Variants in PIGK observed in about 807,000 individuals in gnomAD.
PIGK encodes phosphatidylinositol glycan anchor biosynthesis class K.
Under a neutral mutation model 50.6 loss-of-function variants are expected in PIGK, and 42 were observed. The observed-to-expected ratio is 0.83, with a 90% confidence interval of 0.65 to 1.07. The LOEUF is 1.07. Among genes scored for constraint, PIGK ranks in the 50% least tolerant of loss-of-function variants. The pLI, the probability that PIGK is intolerant of heterozygous loss-of-function variation, is 0.00. For missense variants in PIGK, 448 were observed against 488.7 expected (o/e 0.92, Z 0.78); for synonymous variants, 151 against 156.0 (o/e 0.97, Z 0.24).
intron 10 of PIGK, among the ~76,000 whole-genome samples, chr1:77,113,194 C>T (rs1456507117): frequency 6.6e-6 from 1 of 151,838 alleles, no homozygotes; most frequent in Non-Finnish European, 1.5e-5. Flanking sequence ...AAATTTATTA[C>T]ATATTATTTG....
At chr1:77,135,547 C>T (rs1000120914) in intron 9 of PIGK, among the ~76,000 whole-genome samples, 2 of 151,778 alleles carry the variant, frequency 1.3e-5, no homozygotes, top group South Asian at 4.1e-4. Context: ...TCTTTTTATC[C>T]TAATGCAGTA....
At chr1:77,121,800 T>C (rs192445000) in intron 10 of PIGK, among the ~76,000 whole-genome samples, 12 of 152,290 alleles carry the variant, frequency 7.9e-5, no homozygotes, top group Non-Finnish European at 1.6e-4. Context: ...ATCATTATAA[T>C]TGGAAATGAA....
chr1:77,156,260 T>C (rs1260557175), intron 8 of PIGK, among the ~76,000 whole-genome samples: 1 of 152,136 alleles, frequency 6.6e-6, no homozygotes, highest in Non-Finnish European at 1.5e-5. Context: ...AAGAAAACAT[T>C]TAAGAGTATA....
chr1:77,122,311 A>G lies in PIGK; in HGVS notation c.1035T>C (p.Tyr345=), dbSNP rs200283917. ...TCTGAGCTACAGGAAGTTGTTCAGCATATTTCAGAGGTTCCATTAGTTTCT... is the reference window on the plus strand; with the variant it reads ...TCTGAGCTACAGGAAGTTGTTCAGCGTATTTCAGAGGTTCCATTAGTTTCT... The part of the protein sequence containing the change: ...MDEKLMEPLK[Y]AEQLPVAQII... The change falls in exon 10 of 11, where the codon TAT becomes TAC. Residue 345 remains tyrosine (Y), a synonymous_variant. Coordinates refer to ENST00000370812, the MANE Select transcript of PIGK (RefSeq NM_005482.3). 168 of 1,607,414 alleles carry G rather than the reference A, an allele frequency of 1.0e-4. 1 individual carries two copies. The highest frequency in any genetic ancestry group is 9.9e-4 in the Middle Eastern group (6 of 6,034).
At position 77,126,157 on chromosome 1, in the gene PIGK, T is replaced by C. The variant is rs183346772; in HGVS notation, c.987-3798A>G. Among the ~76,000 whole-genome samples the C allele has an allele frequency of 9.4e-4, 143 of 152,330 alleles. 3 individuals are homozygous for C. Among genetic ancestry groups the C allele is most frequent in the Admixed American group, 9.3e-3 (143 of 15,296 alleles). On this transcript the variant is annotated intron_variant, in intron 9 of 10. Transcript: ENST00000370812. ...TTAATATAGGTTATTCGTGTTCAGA[T>C]GTTTCATTTCAGTTTTCCTGTTTTG...
chr1:77,200,139 G>T (rs1011259706), intron 3 of PIGK, among the ~76,000 whole-genome samples: 16 of 152,114 alleles, frequency 1.1e-4, no homozygotes, highest in African/African-American at 3.9e-4. Context: ...TGAAAGCAGT[G>T]TCTGAGAAAT....
At position 77,129,057 on chromosome 1, in the gene PIGK, G is replaced by A. The variant is rs146387661; in HGVS notation, c.987-6698C>T. 2.3e-4 allele frequency: 183 copies of A among 799,546 alleles called. 2 individuals carry two copies. In the East Asian group the frequency reaches 3.6e-3, roughly 16 times the overall value. 49.5% of individuals were successfully genotyped at this position (799,546 alleles called of 1,614,324 possible). ...ACCATATGGCCTATGACCTACAAAT[G>A]CTTTAAATATTTACTATCTAGCTCT... On this transcript the variant is annotated intron_variant, in intron 9 of 10. Transcript: ENST00000370812.
intron 10 of PIGK, among the ~76,000 whole-genome samples, chr1:77,097,745 AT>A (rs1323189962): frequency 1.1e-3 from 171 of 152,312 alleles, no homozygotes; most frequent in African/African-American, 4.0e-3. Context: ...AAAAAGCTCC[AT>A]AAAATCAATT....
chr1:77,208,926 G>A (rs561557139), intron 2 of PIGK, among the ~76,000 whole-genome samples: 4 of 152,158 alleles, frequency 2.6e-5, no homozygotes, highest in African/African-American at 7.2e-5. Context: ...TTCATTTGGC[G>A]TCAGTAAGTT....
rs1570172350 is a variant in PIGK at position 77,090,673 on chromosome 1, G to A, written c.*1701C>T. 1.3e-5 allele frequency: 2 copies of A among 152,250 alleles called. No homozygotes were observed. The highest frequency in any genetic ancestry group is 2.1e-4 in the South Asian group (1 of 4,820). The allele number at this position is 152,250 out of a possible 1,614,324, so 9.4% of individuals were successfully genotyped here. A position where few individuals can be genotyped will look rare whatever the true frequency, so the allele number is the denominator to read the frequency against. On this transcript the variant is annotated 3_prime_UTR_variant, in exon 11 of 11. Coordinates refer to ENST00000370812, the MANE Select transcript of PIGK (RefSeq NM_005482.3). ...AGCTCCGCCTCACCGTGGTGTCCAC[G>A]ACCTTGTATGAGTGTCTGGAGGGCA...
chr1:77,110,691 T>C (rs200040394), intron 10 of PIGK, among the ~76,000 whole-genome samples: 5,697 of 152,272 alleles, frequency 0.037, 209 homozygotes, highest in South Asian at 0.21. Flanking sequence ...ATTCAGGACA[T>C]AGGCATGGGC....
chr1:77,169,775 T>C lies in PIGK; in HGVS notation c.240-380A>G, dbSNP rs139712128. On this transcript the variant is annotated intron_variant, in intron 3 of 10. Transcript: ENST00000370812. ...TAGCAAAGGGAAGCTAAAGAAACTG[T>C]CTTCCTTAAGCATCAAAAATATTTT... is the stretch of plus-strand genomic sequence containing the variant. Among the ~76,000 whole-genome samples the C allele has an allele frequency of 3.4e-4, 52 of 152,342 alleles. No individual in the cohort carries two copies. In the East Asian group the frequency reaches 0.01, roughly 29 times the overall value.
At chr1:77,149,571 T>A (rs72683909) in intron 9 of PIGK, among the ~76,000 whole-genome samples, 5,644 of 152,182 alleles carry the variant, frequency 0.037, 208 homozygotes, top group South Asian at 0.21. Flanking sequence ...AATATGTATA[T>A]ACCCATTGCA....
At chr1:77,176,622 T>C (rs1263115234) in intron 3 of PIGK, among the ~76,000 whole-genome samples, 2 of 152,188 alleles carry the variant, frequency 1.3e-5, no homozygotes, top group East Asian at 3.8e-4. Flanking sequence ...TAGAATATGG[T>C]GTCTTTTAGG....
intron 3 of PIGK, chr1:77,195,280 C>G: frequency 7.5e-7 from 1 of 1,340,192 alleles, no homozygotes; most frequent in Non-Finnish European, 1.1e-6. Context: ...GGCTGAGGTC[C>G]TGGAAGGCAA....
intron 8 of PIGK, among the ~76,000 whole-genome samples, chr1:77,158,234 C>A (rs908458306): frequency 6.6e-6 from 1 of 152,034 alleles, no homozygotes; most frequent in Non-Finnish European, 1.5e-5. Context: ...CCAGGCTGGT[C>A]TAGAACTCCT....
At chr1:77,183,439 C>T (rs1655667155) in intron 3 of PIGK, among the ~76,000 whole-genome samples, 1 of 152,164 alleles carries the variant, frequency 6.6e-6, no homozygotes, top group Non-Finnish European at 1.5e-5. Flanking sequence ...GTTGATTCTC[C>T]TCAGGAGCCA....
chr1:77,197,697 G>C (rs1656067115), intron 3 of PIGK, among the ~76,000 whole-genome samples: 1 of 152,124 alleles, frequency 6.6e-6, no homozygotes, highest in South Asian at 2.1e-4. Flanking sequence ...TTTGTGGTCT[G>C]GCCTAACTCA....
At chr1:77,120,349 G>T (rs1008795537) in intron 10 of PIGK, among the ~76,000 whole-genome samples, 2 of 152,088 alleles carry the variant, frequency 1.3e-5, no homozygotes, top group Non-Finnish European at 2.9e-5. Flanking sequence ...CTCCCGAGTA[G>T]GTGGGACTAC....
Sources: gnomAD v4.1 joint callset for allele counts (sites outside exome capture counted in the v4.1 genomes callset) on GRCh38, gnomAD v4.1.1 for gene constraint, MANE v1.5 for transcripts, NCBI Gene and HGNC (gene_info 2026-07-23, HGNC 2026-07-21) for gene names.